The following GCH1 variants were observed in gnomAD, a reference collection of about 807,000 sequenced individuals.
GCH1 encodes GTP cyclohydrolase I.
In GCH1, 5 loss-of-function variants were observed where a neutral mutation model predicts 25.9. The ratio of observed to expected loss-of-function variants is 0.19; its 90% CI spans 0.10 to 0.41. The LOEUF is 0.41. Among genes scored for constraint, GCH1 ranks in the 10% least tolerant of loss-of-function variants. The pLI is 1.00. For missense variants in GCH1, 261 were observed against 336.5 expected (o/e 0.78, Z 1.75); for synonymous variants, 159 against 129.6 (o/e 1.23, Z -1.54).
At chr14:54,855,880 T>C (rs2039803683) in intron 3 of GCH1, among the ~76,000 whole-genome samples, 2 of 152,218 alleles carry the variant, frequency 1.3e-5, no homozygotes, top group South Asian at 4.1e-4. Flanking sequence ...GATATGATCT[T>C]ATGTTTGTGC....
intron 1 of GCH1, chr14:54,885,017 C>A: frequency 4.3e-6 from 1 of 234,026 alleles, no homozygotes; most frequent in South Asian, 5.9e-5. Context: ...TGTAATTCTT[C>A]TGCATGATCT....
At chr14:54,876,062 G>A (rs2040154954) in intron 1 of GCH1, among the ~76,000 whole-genome samples, 1 of 152,154 alleles carries the variant, frequency 6.6e-6, no homozygotes, top group Admixed American at 6.5e-5. Flanking sequence ...GTTTACCGTG[G>A]CACTATTCAC....
intron 3 of GCH1, among the ~76,000 whole-genome samples, chr14:54,852,544 G>C (rs1158545536): frequency 1.3e-5 from 2 of 152,308 alleles, no homozygotes; most frequent in South Asian, 2.1e-4. Flanking sequence ...GATGTGGGAG[G>C]AAACAGAAGC....
intron 3 of GCH1, among the ~76,000 whole-genome samples, chr14:54,853,817 A>G (rs923103763): frequency 1.3e-5 from 2 of 152,072 alleles, no homozygotes; most frequent in Admixed American, 6.6e-5. Flanking sequence ...GACACTTCAC[A>G]GGTTTCTCTA....
At position 54,902,794 on chromosome 14, in the gene GCH1, G is replaced by T. The variant is rs115939621; in HGVS notation, c.-131C>A. 6.8e-6 allele frequency: 8 copies of T among 1,178,776 alleles called. No individual in the cohort carries two copies. The allele number at this position is 1,178,776 out of a possible 1,614,324, so 73.0% of individuals were successfully genotyped here. A position where few individuals can be genotyped will look rare whatever the true frequency, so the allele number is the denominator to read the frequency against. ...CTGAGGAAGGTACGCAACCTGCTTA[G>T]ATCACACTCCGAGCCGGGAGCGGCC... On this transcript the variant is annotated 5_prime_UTR_variant, in exon 1 of 6. Coordinates refer to ENST00000491895, the MANE Select transcript of GCH1 (RefSeq NM_000161.3).
At position 54,864,080 on chromosome 14, in the gene GCH1, T is replaced by G. The variant is rs1440403997; in HGVS notation, c.453+1247A>C. Among the ~76,000 whole-genome samples, 3 of 152,132 alleles carry G rather than the reference T, an allele frequency of 2.0e-5. No individual in the cohort carries two copies. The East Asian group carries it at 5.8e-4, about 29-fold the overall frequency. On this transcript the variant is annotated intron_variant, in intron 2 of 5. Coordinates refer to ENST00000491895, the MANE Select transcript of GCH1 (RefSeq NM_000161.3). ...TCTCACCATGTTGCCCAGGCTGGTC[T>G]TGAACTCCTGGGTTCAAGCAATCCA...
chr14:54,855,963 G>C (rs1054633172), intron 3 of GCH1, among the ~76,000 whole-genome samples: 1 of 152,064 alleles, frequency 6.6e-6, no homozygotes, highest in African/African-American at 2.4e-5. Flanking sequence ...AAATAGGTAA[G>C]AAAAGTTTTC....
chr14:54,860,538 C>CTTT (rs869140517), intron 2 of GCH1, among the ~76,000 whole-genome samples: 15 of 134,194 alleles, frequency 1.1e-4, no homozygotes, highest in South Asian at 2.4e-4. Flanking sequence ...CACCATCTTC[C>CTTT]TTTTTTTTTT....
intron 1 of GCH1, among the ~76,000 whole-genome samples, chr14:54,866,852 C>T (rs533165020): frequency 2.6e-5 from 4 of 152,278 alleles, no homozygotes; most frequent in Admixed American, 6.5e-5. Flanking sequence ...CAGGGTTAGA[C>T]ACATACAGAC....
chr14:54,901,859 C>A (rs2040570273), intron 1 of GCH1, among the ~76,000 whole-genome samples: 1 of 152,176 alleles, frequency 6.6e-6, no homozygotes. Flanking sequence ...CGCGCCGAGG[C>A]TTCAATCCAG....
intron 1 of GCH1, among the ~76,000 whole-genome samples, chr14:54,868,197 T>C (rs1313996112): frequency 6.6e-6 from 1 of 152,114 alleles, no homozygotes; most frequent in African/African-American, 2.4e-5. Context: ...GAGGATCACT[T>C]GAGCCCAGCA....
intron 3 of GCH1, among the ~76,000 whole-genome samples, chr14:54,848,338 T>C (rs899162505): frequency 1.3e-5 from 2 of 152,134 alleles, no homozygotes; most frequent in African/African-American, 2.4e-5. Context: ...GGTTTCACCA[T>C]GTTGGCCAGG....
intron 3 of GCH1, among the ~76,000 whole-genome samples, chr14:54,853,167 C>A (rs1474228325): frequency 1.3e-5 from 2 of 152,014 alleles, no homozygotes; most frequent in Admixed American, 6.6e-5. Context: ...TTTCACCATG[C>A]TGGTCAGGCT....
chr14:54,889,748 A>G (rs939397786), intron 1 of GCH1, among the ~76,000 whole-genome samples: 44 of 152,238 alleles, frequency 2.9e-4, no homozygotes, highest in African/African-American at 1.0e-3. Context: ...AACATTGCAA[A>G]AGAACAAACC....
chr14:54,876,527 T>TA (rs1362513207), intron 1 of GCH1, among the ~76,000 whole-genome samples: 2 of 152,038 alleles, frequency 1.3e-5, no homozygotes, highest in Non-Finnish European at 2.9e-5. Context: ...TGCATGGTGA[T>TA]ATGTGCCTAT....
chr14:54,846,895 T>C (rs2039650623), intron 4 of GCH1, among the ~76,000 whole-genome samples: 1 of 152,156 alleles, frequency 6.6e-6, no homozygotes, highest in Admixed American at 6.6e-5. Context: ...ACCCCGTCTC[T>C]ACTAGAAATA....
chr14:54,861,047 G>A (rs2039889272), intron 2 of GCH1, among the ~76,000 whole-genome samples: 1 of 152,188 alleles, frequency 6.6e-6, no homozygotes, highest in Non-Finnish European at 1.5e-5. Flanking sequence ...AAGATTAATA[G>A]AGTAAATGGT....
chr14:54,862,260 A>T (rs1387890380), intron 2 of GCH1, among the ~76,000 whole-genome samples: 1 of 151,502 alleles, frequency 6.6e-6, no homozygotes, highest in Non-Finnish European at 1.5e-5. Flanking sequence ...TGAACTATTG[A>T]CCTGAAGCTA....
chr14:54,884,163 G>A (rs1003656477), intron 1 of GCH1, among the ~76,000 whole-genome samples: 3 of 152,176 alleles, frequency 2.0e-5, no homozygotes, highest in Admixed American at 6.5e-5. Context: ...AGGCCTAGGT[G>A]TAAAAATATT....
Sources: allele counts gnomAD v4.1 joint callset (sites outside exome capture counted in the v4.1 genomes callset), GRCh38; gene constraint gnomAD v4.1.1; transcripts MANE v1.5; gene names NCBI Gene and HGNC (gene_info 2026-07-23, HGNC 2026-07-21).